CHRM2: variants seen among roughly 807,000 people sequenced by gnomAD.
The protein encoded by CHRM2 is cholinergic receptor muscarinic 2.
Under a neutral mutation model 25.0 loss-of-function variants are expected in CHRM2, and 8 were observed. The ratio of observed to expected loss-of-function variants is 0.32; its 90% CI spans 0.19 to 0.58. The LOEUF (loss-of-function observed/expected upper bound fraction) is 0.58, where lower values mean the gene tolerates loss of function less well. CHRM2 is among the 20% of genes least tolerant of loss of function. The pLI is 0.88. For synonymous variants in CHRM2, 202 were observed against 205.7 expected (o/e 0.98, Z 0.15); for missense variants, 440 against 567.1 (o/e 0.78, Z 2.28).
chr7:136,973,505 G>A (rs111653349), intron 2 of CHRM2, among the ~76,000 whole-genome samples: 2 of 128,324 alleles, frequency 1.6e-5, no homozygotes, highest in Non-Finnish European at 3.3e-5. Flanking sequence ...TGACGGTGAC[G>A]GTGTTAGGGA....
At position 137,015,825 on chromosome 7, in the gene CHRM2, T is replaced by C. The variant is rs1391638067; in HGVS notation, c.960T>C (p.Ser320=). The stretch of plus-strand genomic sequence containing the variant: ...TGGGCCATTCCAAAGATGAGAACTC[T>C]AAGCAAACATGCATCAGAATTGGCA... ...TSLGHSKDEN[S]KQTCIRIGTK... is the part of the protein sequence containing the mutation. Residue 320 remains serine, a synonymous_variant, in exon 4 of 4, where the codon TCT becomes TCC. Transcript: ENST00000680005. This position sits in a 1 kb window ranked among gnomAD's most constrained non-coding sequence, Gnocchi z 5.1. 2.5e-6 allele frequency: 4 copies of C among 1,612,864 alleles called. No individual in the cohort carries two copies. Among genetic ancestry groups the C allele is most frequent in the Non-Finnish European group, 2.5e-6 (3 of 1,179,368 alleles).
intron 3 of CHRM2, among the ~76,000 whole-genome samples, chr7:136,995,479 G>C (rs568512429): frequency 1.8e-4 from 28 of 152,116 alleles, no homozygotes; most frequent in Non-Finnish European, 3.1e-4. Flanking sequence ...AATTCCACAA[G>C]GGGCTGGGTG....
chr7:136,973,869 T>A (rs145728485), intron 2 of CHRM2, among the ~76,000 whole-genome samples: 22 of 152,236 alleles, frequency 1.4e-4, no homozygotes, highest in Non-Finnish European at 2.5e-4. Flanking sequence ...TTTATCCCAC[T>A]GCAGAATAAT....
intron 3 of CHRM2, among the ~76,000 whole-genome samples, chr7:137,014,022 C>T (rs182492307): frequency 6.6e-6 from 1 of 152,044 alleles, no homozygotes; most frequent in African/African-American, 2.4e-5. Flanking sequence ...GTATTTTCTC[C>T]CATAATTTTG....
chr7:136,951,159 A>G (rs1800391852), intron 2 of CHRM2: 1 of 152,156 alleles, frequency 6.6e-6, no homozygotes, highest in African/African-American at 2.4e-5. Context: ...AGCTACTTGC[A>G]TAAGACCATG....
chr7:136,872,462 C>G (rs924567438), intron 2 of CHRM2, among the ~76,000 whole-genome samples: 3 of 152,176 alleles, frequency 2.0e-5, no homozygotes, highest in Admixed American at 1.3e-4. Context: ...ACACATATTG[C>G]TCTAAATTTG....
rs544273675 is a variant in CHRM2 at position 136,920,071 on chromosome 7, TCTTATATGGTGACATTTCAAC to T, written c.-125+50679_-125+50699del. ...ATGCAGAAATATGGTGACATTTCAA[TCTTATATGGTGACATTTCAAC>T]CTTATATGGTGACATTTCAACCTTA... On this transcript the variant is annotated intron_variant, in intron 2 of 3. Transcript: ENST00000680005. Among the ~76,000 whole-genome samples, 237 of 152,138 alleles carry T rather than the reference TCTTATATGGTGACATTTCAAC, an allele frequency of 1.6e-3. 1 individual carries two copies. Among genetic ancestry groups the T allele is most frequent in the Admixed American group, 2.7e-3 (42 of 15,282 alleles).
At chr7:136,942,692 CTCA>C (rs903481804) in intron 2 of CHRM2, among the ~76,000 whole-genome samples, 8 of 152,140 alleles carry the variant, frequency 5.3e-5, no homozygotes, top group Non-Finnish European at 1.5e-5. Flanking sequence ...CAGGCTGCTT[CTCA>C]TCATCTTCTG....
At chr7:136,905,951 T>A (rs2130651185) in intron 2 of CHRM2, among the ~76,000 whole-genome samples, 1 of 151,594 alleles carries the variant, frequency 6.6e-6, no homozygotes, top group Non-Finnish European at 1.5e-5. Context: ...ACCAAAATGT[T>A]ATTTTTTTTT....
chr7:136,871,317 GCCGCCCGCGT>G (rs1795825658), intron 2 of CHRM2: 1 of 152,360 alleles, frequency 6.6e-6, no homozygotes, highest in South Asian at 2.1e-4. Flanking sequence ...AGCGCTGCAG[GCCGCCCGCGT>G]CTCGCCCCGC....
chr7:137,005,702 A>T (rs1804376277), intron 3 of CHRM2, among the ~76,000 whole-genome samples: 1 of 152,078 alleles, frequency 6.6e-6, no homozygotes. Flanking sequence ...TTTTGTTTGG[A>T]GCTGCTCAGC....
intron 2 of CHRM2, among the ~76,000 whole-genome samples, chr7:136,938,091 G>A (rs1487292411): frequency 2.6e-5 from 4 of 152,128 alleles, no homozygotes. Context: ...GTTGGGAATT[G>A]GTCAGCTAGG....
chr7:137,000,729 CCTT>C (rs200263403), intron 3 of CHRM2, among the ~76,000 whole-genome samples: 2,423 of 151,746 alleles, frequency 0.016, 71 homozygotes, highest in African/African-American at 0.055. Context: ...TGTCTGTTCA[CCTT>C]TTTTTTTTTA....
At chr7:136,949,549 G>T (rs2130849482) in intron 2 of CHRM2, among the ~76,000 whole-genome samples, 1 of 152,060 alleles carries the variant, frequency 6.6e-6, no homozygotes, top group Middle Eastern at 3.4e-3. Context: ...GATTGCTGGA[G>T]CCTAGGAGTT....
chr7:136,945,345 T>C (rs905452023), intron 2 of CHRM2, among the ~76,000 whole-genome samples: 3 of 152,102 alleles, frequency 2.0e-5, no homozygotes, highest in Admixed American at 2.0e-4. Context: ...TTATCTTCTA[T>C]AATTTTTATG....
chr7:136,954,753 A>T (rs1248044056), intron 2 of CHRM2, among the ~76,000 whole-genome samples: 1 of 152,220 alleles, frequency 6.6e-6, no homozygotes, highest in African/African-American at 2.4e-5. Flanking sequence ...GACTACATCC[A>T]TGGATTCTTC....
intron 3 of CHRM2, among the ~76,000 whole-genome samples, chr7:137,004,647 C>T (rs923584444): frequency 2.6e-5 from 4 of 152,130 alleles, no homozygotes; most frequent in Non-Finnish European, 4.4e-5. Flanking sequence ...TCATTTCAAG[C>T]AGTCTGGAGA....
rs1468903819 is a variant in CHRM2 at position 137,018,758 on chromosome 7, A to C, written c.*2492A>C. 6.6e-6 allele frequency: 1 copy of C among 151,984 alleles called. No individual in the cohort carries two copies. Among genetic ancestry groups the C allele is most frequent in the African/African-American group, 2.4e-5 (1 of 41,428 alleles). The allele number at this position is 151,984 out of a possible 1,614,324, so 9.4% of individuals were successfully genotyped here. A position where few individuals can be genotyped will look rare whatever the true frequency, so the allele number is the denominator to read the frequency against. On this transcript the variant is annotated 3_prime_UTR_variant, in exon 4 of 4. Coordinates refer to ENST00000680005, the MANE Select transcript of CHRM2 (RefSeq NM_001006630.2). ...GAAAGAGAAACTGTCACTTTAAAGA[A>C]AGAAATTGAAGATAGGCTGACACCA...
At chr7:136,887,021 T>C (rs1796494406) in intron 2 of CHRM2, among the ~76,000 whole-genome samples, 1 of 152,198 alleles carries the variant, frequency 6.6e-6, no homozygotes, top group African/African-American at 2.4e-5. Flanking sequence ...GTAGCAAATA[T>C]GTAGTTGAAC....
Sources: gnomAD v4.1 joint callset for allele counts (sites outside exome capture counted in the v4.1 genomes callset) on GRCh38, gnomAD v4.1.1 for gene constraint, Gnocchi (gnomAD v3.1) non-coding constraint, MANE v1.5 for transcripts, NCBI Gene and HGNC (gene_info 2026-07-23, HGNC 2026-07-21) for gene names.